CROCC: variants seen among roughly 807,000 people sequenced by gnomAD.
CROCC encodes ciliary rootlet coiled-coil, rootletin.
Under a neutral mutation model 245.2 loss-of-function variants are expected in CROCC, and 180 were observed. That is an observed-to-expected ratio of 0.73 (90% CI 0.65 to 0.83). The LOEUF (loss-of-function observed/expected upper bound fraction) is 0.83. Ranked by LOEUF, CROCC falls within the 40% of genes least tolerant of loss-of-function variation. The pLI, the probability that CROCC is intolerant of heterozygous loss-of-function variation, is 0.00. For synonymous variants in CROCC, 1,205 were observed against 1,241.6 expected (o/e 0.97, Z 0.62); for missense variants, 2,688 against 2,779.4 (o/e 0.97, Z 0.74).
At position 16,954,906 on chromosome 1, in the gene CROCC, G is replaced by A; in HGVS notation, c.3465+29G>A. 1 of 1,502,048 alleles carries A rather than the reference G, an allele frequency of 6.7e-7. No homozygotes were observed. Among genetic ancestry groups the A allele is most frequent in the Non-Finnish European group, 9.0e-7 (1 of 1,115,866 alleles). 93.0% of individuals were successfully genotyped at this position (1,502,048 alleles called of 1,614,324 possible). A position where few individuals can be genotyped will look rare whatever the true frequency, so the allele number is the denominator to read the frequency against. On this transcript the variant is annotated intron_variant, in intron 23 of 36. Coordinates refer to ENST00000375541, the MANE Select transcript of CROCC (RefSeq NM_014675.5). This position sits in a 1 kb window ranked among gnomAD's most constrained non-coding sequence, Gnocchi z 4.4. ...AGCAGCCGCCCCCCTCTTCCAAGCAGCATACCCTAAATGGCACTGTGTGCC... is the reference window on the plus strand; with the variant it reads ...AGCAGCCGCCCCCCTCTTCCAAGCAACATACCCTAAATGGCACTGTGTGCC...
In CROCC at chr1:16,965,910, T is replaced by C. The variant is rs779626863; in HGVS notation, c.4575+18T>C. On this transcript the variant is annotated intron_variant, in intron 28 of 36. Coordinates refer to ENST00000375541, the MANE Select transcript of CROCC (RefSeq NM_014675.5). ...GAGAACGGGTAAGCCTGGGTGTGCA[T>C]GGCTGGATGGGGAACCTGGAGGGCC... The C allele has an allele frequency of 1.6e-5, 25 of 1,607,376 alleles. No homozygotes were observed. The highest frequency in any genetic ancestry group is 1.6e-4 in the Middle Eastern group (1 of 6,062).
chr1:16,932,142 T>G (rs1324608019), intron 8 of CROCC, among the ~76,000 whole-genome samples: 2 of 152,248 alleles, frequency 1.3e-5, no homozygotes, highest in Non-Finnish European at 2.9e-5. Context: ...GATGAAAAGA[T>G]GTAGATCCCC....
chr1:16,941,766 AG>A (rs1364894899), intron 13 of CROCC, among the ~76,000 whole-genome samples: 1 of 152,092 alleles, frequency 6.6e-6, no homozygotes, highest in Non-Finnish European at 1.5e-5. Context: ...TCAGTTCTTT[AG>A]TTGCCCTAGC....
chr1:16,929,111 G>A (rs1333382834), intron 3 of CROCC, among the ~76,000 whole-genome samples: 83 of 152,370 alleles, frequency 5.4e-4, no homozygotes, highest in African/African-American at 1.9e-3. Flanking sequence ...ACAGGCATGA[G>A]CCACTGCACC....
chr1:16,935,108 C>T (rs2075760045), intron 8 of CROCC, among the ~76,000 whole-genome samples: 1 of 152,230 alleles, frequency 6.6e-6, no homozygotes. Context: ...CCATGTTGGC[C>T]AGGCTGGTCT....
rs1008356800 is a variant in CROCC at position 16,964,067 on chromosome 1, C to G, written c.4406-1656C>G. Among the ~76,000 whole-genome samples the G allele has an allele frequency of 1.1e-4, 16 of 151,938 alleles. No individual in the cohort carries two copies. The East Asian group carries it at 3.1e-3, about 29-fold the overall frequency. Reference sequence around the variant, plus strand: ...CCCGCCTCGGCCTCCCACCAGAGTGCTGGGATTACAGGTCTGAGCCACCGT... The same window carrying G: ...CCCGCCTCGGCCTCCCACCAGAGTGGTGGGATTACAGGTCTGAGCCACCGT... On this transcript the variant is annotated intron_variant, in intron 27 of 36. Transcript: ENST00000375541.
At chr1:16,923,240 C>T (rs369511780) in intron 2 of CROCC, among the ~76,000 whole-genome samples, 119 of 152,344 alleles carry the variant, frequency 7.8e-4, no homozygotes, top group Non-Finnish European at 8.5e-4. Context: ...CAGTGGGTGG[C>T]GCACACGGTG....
chr1:16,918,521 C>G (rs1217211758), upstream of CROCC, among the ~76,000 whole-genome samples: 12 of 152,300 alleles, frequency 7.9e-5, no homozygotes, highest in Admixed American at 2.6e-4. Context: ...CAGAATAATC[C>G]AGTTCAGTCC....
chr1:16,953,849 C>G, intron 21 of CROCC: 1 of 226,364 alleles, frequency 4.4e-6, no homozygotes, highest in Non-Finnish European at 7.7e-6. Flanking sequence ...TAACAAATCC[C>G]TAACTTTCCT....
chr1:16,954,820 G>C lies in CROCC; in HGVS notation c.3408G>C (p.Arg1136Ser), dbSNP rs574819018. Residue 1136 changes from arginine to serine, a missense_variant, in exon 23 of 37, where the codon AGG (arginine) becomes AGC (serine). Arg to Ser is a moderately radical substitution (Grantham distance 110, BLOSUM62 -1). Transcript: ENST00000375541. This position sits in a 1 kb window ranked among gnomAD's most constrained non-coding sequence, Gnocchi z 4.4. ...EAAAAHAQEV[R>S]RLQEQARDLG... ...CTGCGGCCCACGCCCAGGAGGTGAG[G>C]AGGCTGCAAGAGCAGGCCCGAGACC... The C allele has an allele frequency of 6.4e-7, 1 of 1,551,338 alleles. No homozygotes were observed. The highest frequency in any genetic ancestry group is 1.9e-5 in the Admixed American group (1 of 51,374).
chr1:16,960,859 G>A lies in CROCC; in HGVS notation c.4134G>A (p.Lys1378=). Residue 1378 remains lysine (K), a synonymous_variant, in exon 27 of 37, where the codon AAG becomes AAA. Transcript: ENST00000375541. ...TGGAGGAGGCGCGTGGCACTGAAAAGCAGCAGCTGGACCACGCCCGCGGCC... is the reference window on the plus strand; with the variant it reads ...TGGAGGAGGCGCGTGGCACTGAAAAACAGCAGCTGGACCACGCCCGCGGCC... ...GSLEEARGTE[K]QQLDHARGLE... 1.3e-6 allele frequency: 2 copies of A among 1,518,720 alleles called. No homozygotes were observed. The highest frequency in any genetic ancestry group is 1.8e-6 in the Non-Finnish European group (2 of 1,139,714). 94.1% of individuals were successfully genotyped at this position (1,518,720 alleles called of 1,614,324 possible).
intron 3 of CROCC, among the ~76,000 whole-genome samples, chr1:16,925,430 G>T (rs2075513202): frequency 6.6e-6 from 1 of 152,274 alleles, no homozygotes; most frequent in Admixed American, 6.5e-5. Flanking sequence ...TAGACACCAG[G>T]TCTTCCAACT....
chr1:16,920,640 G>A (rs1183972468), upstream of CROCC, among the ~76,000 whole-genome samples: 23 of 152,238 alleles, frequency 1.5e-4, no homozygotes, highest in African/African-American at 3.6e-4. Context: ...AGAGCTGTGC[G>A]CCTAAGCACT....
rs772640431 is a variant in CROCC, at chr1:16,939,006, G to A, written c.1472G>A (p.Arg491Gln). ...AGCCTGCGGGGGCTCTCGGGCCAGC[G>A]GACCCCGTCCCCACCGCGGCGCTCC... ...NGSLRGLSGQ[R>Q]TPSPPRRSSP... The change falls in exon 12 of 37, where the codon CGG (arginine) becomes CAG (glutamine). Residue 491 changes from arginine to glutamine, a missense_variant. Physicochemically the swap from Arg to Gln is conservative, Grantham distance 43. Around this residue, in one of 9 missense-constraint regions of CROCC, gnomAD observed 972 missense variants for 895.3 expected, o/e 1.09. Transcript: ENST00000375541. 1.1e-5 allele frequency: 17 copies of A among 1,603,372 alleles called. No individual in the cohort carries two copies. The highest frequency in any genetic ancestry group is 2.2e-5 in the East Asian group (1 of 44,524).
At chr1:16,940,378 C>T (rs2075902927) in intron 13 of CROCC, among the ~76,000 whole-genome samples, 1 of 151,380 alleles carries the variant, frequency 6.6e-6, no homozygotes, top group Non-Finnish European at 1.5e-5. Context: ...CCCCTGCCAC[C>T]ATGCCGGGCT....
At chr1:16,924,508 C>CGG in intron 3 of CROCC, 29 bp downstream of exon 3, 1 of 1,602,300 alleles carries the variant, frequency 6.2e-7, no homozygotes. Flanking sequence ...GTGGACTAGG[C>CGG]CAGGGTTCCC....
In CROCC at chr1:16,961,113, G is replaced by C. The variant is rs1302082712; in HGVS notation, c.4388G>C (p.Arg1463Pro). The C allele has an allele frequency of 1.1e-5, 15 of 1,352,874 alleles. No individual in the cohort carries two copies. The Admixed American group carries it at 4.1e-4, about 37-fold the overall frequency. 83.8% of individuals were successfully genotyped at this position (1,352,874 alleles called of 1,614,324 possible). ...APRPVPGSPA[R>P]DAPAEGSGEG... ...CGGCCAGTGCCCGGTTCCCCTGCCC[G>C]GGACGCACCCGCAGAAGGTAAGGGC... Residue 1463 changes from arginine (R) to proline (P), a missense_variant, in exon 27 of 37, where the codon CGG becomes CCG. Physicochemically the swap from Arg to Pro is moderately radical, Grantham distance 103. Transcript: ENST00000375541.
Position 16,937,653 on chromosome 1 carries a change from G to C in CROCC, c.1206G>C (p.Leu402=). ...KADLSARVTE[L]GLAVKRLEKQ... Reference sequence around the variant, plus strand: ...CCCCCAACTCCAGAGTGACAGAGCTGGGCCTGGCAGTGAAGCGTCTTGAGA... The same window carrying C: ...CCCCCAACTCCAGAGTGACAGAGCTCGGCCTGGCAGTGAAGCGTCTTGAGA... The change falls in exon 10 of 37, where the codon CTG becomes CTC. Residue 402 remains leucine (L), a synonymous_variant. Transcript: ENST00000375541. The C allele has an allele frequency of 1.2e-6, 2 of 1,611,258 alleles. No individual in the cohort carries two copies. The highest frequency in any genetic ancestry group is 1.7e-6 in the Non-Finnish European group (2 of 1,179,380).
Position 16,972,423 on chromosome 1 carries a change from C to T in CROCC, c.6031C>T (p.Pro2011Ser). The T allele has an allele frequency of 3.7e-6, 6 of 1,613,178 alleles. No homozygotes were observed. The highest frequency in any genetic ancestry group is 5.1e-6 in the Non-Finnish European group (6 of 1,179,520). ...LRRSSAPFSP[P>S]SGPPEK is the part of the protein sequence containing the mutation. ...AAGGAGCTCAGCACCCTTCTCCCCA[C>T]CCTCCGGCCCCCCAGAGAAATGAGC... The change falls in exon 37 of 37, where the codon CCC becomes TCC. Residue 2011 changes from proline (P) to serine (S), a missense_variant. Pro to Ser is a moderately conservative substitution (Grantham distance 74). This residue lies in a region of CROCC where 1,218 missense variants were observed against 1,286.3 expected (regional missense o/e 0.95). Transcript: ENST00000375541.
Sources: gnomAD v4.1 joint callset for allele counts (sites outside exome capture counted in the v4.1 genomes callset) on GRCh38, gnomAD v4.1.1 for gene constraint, gnomAD v4.1.1 regional missense constraint, Gnocchi (gnomAD v3.1) non-coding constraint, MANE v1.5 for transcripts, NCBI Gene and HGNC (gene_info 2026-07-23, HGNC 2026-07-21) for gene names.